MEIS2: variants seen among roughly 807,000 people sequenced by gnomAD.
MEIS2 encodes the protein Meis homeobox 2, also known as homeobox protein Meis2.
A neutral mutation model predicts 58.6 loss-of-function variants in MEIS2; 9 were observed. The ratio of observed to expected loss-of-function variants is 0.15; its 90% confidence interval spans 0.09 to 0.27. MEIS2 has a LOEUF of 0.27. MEIS2 is among the 10% of genes least tolerant of loss of function. The probability of loss-of-function intolerance (pLI) is 1.00; values close to 1 mark genes in which losing one functional copy is unlikely to be tolerated. For missense variants in MEIS2, 427 were observed against 635.0 expected (o/e 0.67, Z 3.52); for synonymous variants, 221 against 228.4 (o/e 0.97, Z 0.29).
At chr15:36,898,521 A>G (rs773605831) in intron 9 of MEIS2, 20 of 151,768 alleles carry the variant, frequency 1.3e-4, no homozygotes, top group African/African-American at 3.4e-4. Flanking sequence ...TTTTTTCGGT[A>G]TAGGCTAACT....
intron 11 of MEIS2, chr15:36,894,519 G>A: frequency 2.3e-6 from 1 of 432,536 alleles, no homozygotes; most frequent in Non-Finnish European, 4.2e-6. Flanking sequence ...ACGCAGGCTT[G>A]TCAGTTGGCC....
At chr15:37,017,699 C>T (rs2061395597) in intron 8 of MEIS2, among the ~76,000 whole-genome samples, 2 of 152,136 alleles carry the variant, frequency 1.3e-5, no homozygotes, top group Admixed American at 1.3e-4. Flanking sequence ...AGACCAACCA[C>T]AGCAGGGAAG....
At chr15:36,908,876 T>A (rs1211816654) in intron 9 of MEIS2, among the ~76,000 whole-genome samples, 1 of 151,468 alleles carries the variant, frequency 6.6e-6, no homozygotes, top group Non-Finnish European at 1.5e-5. Flanking sequence ...GAGGCGGAGG[T>A]TGTGGTGAGC....
At chr15:37,069,581 C>A (rs537973536) in intron 7 of MEIS2, among the ~76,000 whole-genome samples, 2 of 152,224 alleles carry the variant, frequency 1.3e-5, no homozygotes, top group African/African-American at 4.8e-5. Flanking sequence ...AGTGGGCAAT[C>A]CCCCCACACA....
intron 6 of MEIS2, among the ~76,000 whole-genome samples, chr15:37,085,118 T>C (rs1892726883): frequency 6.6e-6 from 1 of 152,086 alleles, no homozygotes. Flanking sequence ...AATCGAAGTA[T>C]ACAAATTATA....
intron 8 of MEIS2, among the ~76,000 whole-genome samples, chr15:37,008,303 T>A (rs894109340): frequency 1.3e-5 from 2 of 152,246 alleles, no homozygotes; most frequent in African/African-American, 4.8e-5. Flanking sequence ...CCAATGTTTT[T>A]AAAATGTATT....
intron 5 of MEIS2, among the ~76,000 whole-genome samples, chr15:37,094,227 A>T (rs1447613336): frequency 6.6e-6 from 1 of 152,202 alleles, no homozygotes; most frequent in Admixed American, 6.5e-5. Context: ...GAGCTGAGCT[A>T]ATAAAGATGC....
chr15:36,937,051 C>T (rs1387654957), intron 9 of MEIS2, among the ~76,000 whole-genome samples: 2 of 152,050 alleles, frequency 1.3e-5, no homozygotes, highest in Non-Finnish European at 2.9e-5. Flanking sequence ...TGAAAGAGGC[C>T]CTTAGGAAAT....
intron 9 of MEIS2, among the ~76,000 whole-genome samples, chr15:36,911,697 G>C (rs2057034085): frequency 6.6e-6 from 1 of 152,126 alleles, no homozygotes; most frequent in Non-Finnish European, 1.5e-5. Flanking sequence ...AAGGGCTCTG[G>C]TTCTATAAGC....
chr15:36,993,539 C>T (rs915333765), intron 8 of MEIS2, among the ~76,000 whole-genome samples: 2 of 152,064 alleles, frequency 1.3e-5, no homozygotes, highest in Non-Finnish European at 1.5e-5. Flanking sequence ...ATTTTAAGCT[C>T]GTCTTAATCT....
At chr15:37,047,120 C>T (rs1404906249) in intron 7 of MEIS2, among the ~76,000 whole-genome samples, 4 of 152,102 alleles carry the variant, frequency 2.6e-5, no homozygotes, top group Admixed American at 6.5e-5. Flanking sequence ...ATTCACAGTA[C>T]ATCATAATAA....
At position 37,028,810 on chromosome 15, in the gene MEIS2, C is replaced by T. The variant is rs567724543; in HGVS notation, c.900+8004G>A. Among the ~76,000 whole-genome samples, 4 of 152,238 alleles carry T rather than the reference C, an allele frequency of 2.6e-5. No homozygotes were observed. In the East Asian group the frequency reaches 5.8e-4, roughly 22 times the overall value. ...TGATCACAGCCCCAGCACTCAGCAC[C>T]CTCCCATCCCAATAAGGACATGACG... On this transcript the variant is annotated intron_variant, in intron 8 of 11. Transcript: ENST00000561208.
At chr15:36,950,496 C>T in intron 8 of MEIS2, 96 bp from the exon 9 acceptor site, 3 of 1,181,616 alleles carry the variant, frequency 2.5e-6, no homozygotes, top group Non-Finnish European at 3.7e-6. Context: ...TTTCTTTAGT[C>T]TATGGCTTGA....
intron 7 of MEIS2, among the ~76,000 whole-genome samples, chr15:37,063,457 C>A (rs952062439): frequency 6.6e-6 from 1 of 152,178 alleles, no homozygotes; most frequent in African/African-American, 2.4e-5. Flanking sequence ...TCTAGATATT[C>A]CAGGTAAAGG....
At chr15:36,911,602 A>G (rs1041312557) in intron 9 of MEIS2, among the ~76,000 whole-genome samples, 1 of 152,216 alleles carries the variant, frequency 6.6e-6, no homozygotes, top group African/African-American at 2.4e-5. Context: ...TTACAAGTAC[A>G]AAATCAGCTT....
intron 8 of MEIS2, among the ~76,000 whole-genome samples, chr15:37,007,137 C>G (rs1354890673): frequency 6.6e-6 from 1 of 152,102 alleles, no homozygotes; most frequent in Non-Finnish European, 1.5e-5. Flanking sequence ...AGGATGGGTC[C>G]AATTTGTCTG....
intron 8 of MEIS2, among the ~76,000 whole-genome samples, chr15:37,031,181 ATTC>A (rs1164996333): frequency 6.6e-6 from 1 of 152,194 alleles, no homozygotes; most frequent in Non-Finnish European, 1.5e-5. Flanking sequence ...AACTAGAATT[ATTC>A]TTCTTCTGCA....
At position 37,094,942 on chromosome 15, in the gene MEIS2, TA is replaced by T. The variant is rs77378334; in HGVS notation, c.439-366del. On this transcript the variant is annotated intron_variant, in intron 4 of 11. Coordinates refer to ENST00000561208, the MANE Select transcript of MEIS2 (RefSeq NM_170675.5). ...TCAGGACAACTTTTTTTTTTTTCCT[TA>T]AAAAAAAAAAAAAAAAAAAAAGGTC... 682 of 82,254 alleles carry T rather than the reference TA, an allele frequency of 8.3e-3. 3 individuals are homozygous for T. The highest frequency in any genetic ancestry group is 0.029 in the Middle Eastern group (4 of 136). The allele number at this position is 82,254 out of a possible 1,614,324, so 5.1% of individuals were successfully genotyped here.
intron 9 of MEIS2, among the ~76,000 whole-genome samples, chr15:36,915,424 T>C (rs984697992): frequency 2.6e-5 from 4 of 152,164 alleles, no homozygotes; most frequent in Non-Finnish European, 4.4e-5. Context: ...GGGATTTAGT[T>C]TCTTCTTGCC....
Sources: gnomAD v4.1 joint callset for allele counts (sites outside exome capture counted in the v4.1 genomes callset) on GRCh38, gnomAD v4.1.1 for gene constraint, MANE v1.5 for transcripts, NCBI Gene and HGNC (gene_info 2026-07-23, HGNC 2026-07-21) for gene names.